Variants in FRMD4A observed in about 807,000 individuals in gnomAD.
FRMD4A encodes the protein FERM domain-containing protein 4A.
FRMD4A carries 29 observed loss-of-function variants against 129.1 expected under a neutral mutation model. That is an observed-to-expected ratio of 0.22 (90% CI 0.17 to 0.31). FRMD4A has a LOEUF of 0.31. Ranked by LOEUF, FRMD4A falls within the 10% of genes least tolerant of loss-of-function variation. The pLI, the probability that FRMD4A is intolerant of heterozygous loss-of-function variation, is 1.00. For synonymous variants in FRMD4A, 634 were observed against 571.6 expected (o/e 1.11, Z -1.56); for missense variants, 1,272 against 1,375.8 (o/e 0.92, Z 1.19).
chr10:14,157,203 G>A (rs1840644922), intron 2 of FRMD4A, among the ~76,000 whole-genome samples: 1 of 152,326 alleles, frequency 6.6e-6, no homozygotes, highest in East Asian at 1.9e-4. Flanking sequence ...CAGGCTGGTT[G>A]CCCTAAGGCT....
At chr10:14,261,245 G>A (rs1844790401) in intron 2 of FRMD4A, among the ~76,000 whole-genome samples, 1 of 152,144 alleles carries the variant, frequency 6.6e-6, no homozygotes, top group Non-Finnish European at 1.5e-5. Context: ...TTAAACATTT[G>A]CAAATATGAT....
chr10:14,203,713 C>T (rs971573806), intron 2 of FRMD4A, among the ~76,000 whole-genome samples: 1 of 152,216 alleles, frequency 6.6e-6, no homozygotes, highest in Non-Finnish European at 1.5e-5. Context: ...CTTGCAATTT[C>T]CCCTTTCTCC....
chr10:14,003,336 A>G (rs978944606), intron 2 of FRMD4A, among the ~76,000 whole-genome samples: 3 of 152,022 alleles, frequency 2.0e-5, no homozygotes, highest in Admixed American at 1.3e-4. Flanking sequence ...GTTGGAGGAG[A>G]AGCAGGATTA....
intron 2 of FRMD4A, among the ~76,000 whole-genome samples, chr10:14,191,054 G>C (rs1842301924): frequency 6.6e-6 from 1 of 152,186 alleles, no homozygotes; most frequent in Non-Finnish European, 1.5e-5. Context: ...CTCACAGGTG[G>C]AGAGAGTTTT....
intron 2 of FRMD4A, among the ~76,000 whole-genome samples, chr10:14,142,474 G>C (rs1443445482): frequency 1.3e-5 from 2 of 152,202 alleles, no homozygotes; most frequent in Non-Finnish European, 2.9e-5. Flanking sequence ...AGAGATTTAA[G>C]AGAAACAGAA....
chr10:13,966,849 A>T (rs756664096), intron 2 of FRMD4A, among the ~76,000 whole-genome samples: 4 of 152,286 alleles, frequency 2.6e-5, no homozygotes, highest in Non-Finnish European at 5.9e-5. Flanking sequence ...CAATGAGTGG[A>T]TAAAGAGATT....
At chr10:14,142,487 A>T (rs7087929) in intron 2 of FRMD4A, among the ~76,000 whole-genome samples, 53,956 of 152,142 alleles carry the variant, frequency 0.35, 9,785 homozygotes, top group East Asian at 0.51. Context: ...AAACAGAAGC[A>T]CTGAGCTACG....
chr10:13,730,292 G>T (rs1411192301), intron 12 of FRMD4A, among the ~76,000 whole-genome samples: 7 of 152,166 alleles, frequency 4.6e-5, no homozygotes. Flanking sequence ...GTGGGATCCC[G>T]ATTCTGCAAG....
intron 2 of FRMD4A, among the ~76,000 whole-genome samples, chr10:14,323,579 TC>T: frequency 0.038 from 1 of 26 alleles, no homozygotes; most frequent in East Asian, 0.5. Context: ...TGGGTATCTA[TC>T]CTTTTTGCCC....
rs989341908 is a variant in FRMD4A, at chr10:13,951,258, G to A, written c.46-92346C>T. Among the ~76,000 whole-genome samples, 8 of 152,170 alleles carry A rather than the reference G, an allele frequency of 5.3e-5. No individual in the cohort carries two copies. The East Asian group carries it at 7.7e-4, about 15-fold the overall frequency. On this transcript the variant is annotated intron_variant, in intron 2 of 24. Coordinates refer to ENST00000357447, the MANE Select transcript of FRMD4A (RefSeq NM_018027.5). ...GGTCAAGGTTATGAGGGCATATGGA[G>A]TGGTTGGTGAGGATGCGGGGCGCCA...
chr10:14,192,480 A>G (rs550832991), intron 2 of FRMD4A, among the ~76,000 whole-genome samples: 5 of 152,374 alleles, frequency 3.3e-5, no homozygotes, highest in African/African-American at 1.2e-4. Context: ...ACAGTGGTGC[A>G]CTGTTGTGAG....
chr10:14,057,706 G>A (rs1834607450), intron 2 of FRMD4A, among the ~76,000 whole-genome samples: 3 of 152,164 alleles, frequency 2.0e-5, no homozygotes, highest in Admixed American at 2.0e-4. Flanking sequence ...AAGTAGCTGG[G>A]ATTACAGGCA....
intron 2 of FRMD4A, among the ~76,000 whole-genome samples, chr10:14,052,388 G>T (rs1432518881): frequency 6.6e-6 from 1 of 152,166 alleles, no homozygotes; most frequent in Non-Finnish European, 1.5e-5. Flanking sequence ...AATTTATAAA[G>T]AAAAGAGGTT....
intron 2 of FRMD4A, among the ~76,000 whole-genome samples, chr10:13,940,481 C>G (rs960281381): frequency 6.6e-6 from 1 of 152,158 alleles, no homozygotes; most frequent in East Asian, 1.9e-4. Flanking sequence ...GGATGCCATA[C>G]ATGTTATTTC....
At chr10:13,984,093 C>G in intron 2 of FRMD4A, among the ~76,000 whole-genome samples, 1 of 152,060 alleles carries the variant, frequency 6.6e-6, no homozygotes, top group East Asian at 1.9e-4. Context: ...AGTCTGAGGG[C>G]CCCTTCCTGA....
intron 14 of FRMD4A, among the ~76,000 whole-genome samples, chr10:13,698,921 G>A (rs2086505003): frequency 6.6e-6 from 1 of 152,096 alleles, no homozygotes; most frequent in Non-Finnish European, 1.5e-5. Flanking sequence ...TCTCCTTCTG[G>A]GAGCGTGGGC....
At chr10:14,130,213 C>A (rs1839168475) in intron 2 of FRMD4A, among the ~76,000 whole-genome samples, 1 of 152,192 alleles carries the variant, frequency 6.6e-6, no homozygotes, top group South Asian at 2.1e-4. Flanking sequence ...CTCCATGACA[C>A]TGGCCACAGT....
chr10:13,779,136 G>A (rs2092676070), intron 6 of FRMD4A, among the ~76,000 whole-genome samples: 1 of 152,080 alleles, frequency 6.6e-6, no homozygotes, highest in Non-Finnish European at 1.5e-5. Flanking sequence ...GACTAACACG[G>A]TGAAACCCCA....
chr10:14,330,571 T>C (rs1012772130), intron 1 of FRMD4A, 26 bp downstream of exon 1: 48 of 405,696 alleles, frequency 1.2e-4, no homozygotes, highest in Non-Finnish European at 1.3e-5. Context: ...TTCTGCTGCA[T>C]AAACATGCTG....
Sources: allele counts gnomAD v4.1 joint callset (sites outside exome capture counted in the v4.1 genomes callset), GRCh38; gene constraint gnomAD v4.1.1; transcripts MANE v1.5; gene names NCBI Gene and HGNC (gene_info 2026-07-23, HGNC 2026-07-21).